PDGFRA: variants seen among roughly 807,000 people sequenced by gnomAD.
PDGFRA encodes platelet derived growth factor receptor alpha.
A neutral mutation model predicts 121.5 loss-of-function variants in PDGFRA; 25 were observed. The ratio of observed to expected loss-of-function variants is 0.21; its 90% confidence interval spans 0.15 to 0.29. The LOEUF (loss-of-function observed/expected upper bound fraction) is 0.29. PDGFRA is among the 10% of genes least tolerant of loss of function. The probability of loss-of-function intolerance (pLI) is 1.00; values close to 1 mark genes in which losing one functional copy is unlikely to be tolerated. For synonymous variants in PDGFRA, 463 were observed against 494.8 expected (o/e 0.94, Z 0.85); for missense variants, 1,008 against 1,345.1 (o/e 0.75, Z 3.92).
At chr4:54,248,981 C>T (rs1192966091) in intron 1 of PDGFRA, among the ~76,000 whole-genome samples, 6 of 152,222 alleles carry the variant, frequency 3.9e-5, no homozygotes, top group African/African-American at 1.4e-4. Context: ...CTCACCATCA[C>T]TGGCCATCAG....
intron 1 of PDGFRA, among the ~76,000 whole-genome samples, chr4:54,242,917 G>C (rs1205596239): frequency 6.6e-6 from 1 of 152,134 alleles, no homozygotes; most frequent in African/African-American, 2.4e-5. Flanking sequence ...TGACCTTTGT[G>C]ACTTTTGGGG....
At chr4:54,294,194 G>A (rs2110356536) in intron 22 of PDGFRA, among the ~76,000 whole-genome samples, 1 of 151,844 alleles carries the variant, frequency 6.6e-6, no homozygotes, top group Admixed American at 6.6e-5. Context: ...TATCTCTTGA[G>A]CATACGGTGT....
rs2110341574 is a variant in PDGFRA at position 54,287,500 on chromosome 4, T to C, written c.2633T>C (p.Val878Ala). The C allele has an allele frequency of 6.4e-7, 1 of 1,555,120 alleles. No individual in the cohort carries two copies. Among genetic ancestry groups the C allele is most frequent in the Non-Finnish European group, 8.9e-7 (1 of 1,126,282 alleles). Residue 878 changes from valine (V) to alanine (A), a missense_variant, in exon 19 of 23, where the codon GTC becomes GCC. Val to Ala is a moderately conservative substitution (Grantham distance 64). Around this residue, in one of 5 missense-constraint regions of PDGFRA, gnomAD observed 40 missense variants for 127.4 expected, o/e 0.31. Transcript: ENST00000257290. ...FDNLYTTLSD[V>A]WSYGILLWEI... The stretch of plus-strand genomic sequence containing the variant: ...AACCTCTACACCACACTGAGTGATG[T>C]CTGGTCTTATGGCATTCTGCTCTGG...
rs1454635178 is a variant in PDGFRA, at chr4:54,296,234, A to G, written c.*962A>G. ...ATTAACTGCCCTCTGAAATAATGGG[A>G]TTAGAAACAAACAAAACTCTTAAGT... On this transcript the variant is annotated 3_prime_UTR_variant, in exon 23 of 23. Transcript: ENST00000257290. The G allele has an allele frequency of 4.3e-6, 1 of 232,872 alleles. No homozygotes were observed. Among genetic ancestry groups the G allele is most frequent in the Non-Finnish European group, 8.5e-6 (1 of 117,886 alleles). The allele number at this position is 232,872 out of a possible 1,614,324, so 14.4% of individuals were successfully genotyped here. A position where few individuals can be genotyped will look rare whatever the true frequency, so the allele number is the denominator to read the frequency against.
In PDGFRA at chr4:54,267,469, C is replaced by T. The variant is rs769263309; in HGVS notation, c.931+9C>T. 1.9e-5 allele frequency: 31 copies of T among 1,613,870 alleles called. No individual in the cohort carries two copies. Among genetic ancestry groups the T allele is most frequent in the African/African-American group, 2.7e-5 (2 of 74,912 alleles). On this transcript the variant is annotated intron_variant, in intron 6 of 22. Coordinates refer to ENST00000257290, the MANE Select transcript of PDGFRA (RefSeq NM_006206.6). ...CACTATTTCTGTCCATGGTACATTC[C>T]GCTTTCTAAAATGTCAGTTGTCCAT...
chr4:54,290,656 A>AT, intron 22 of PDGFRA, 102 bp downstream of exon 22: 1 of 1,331,056 alleles, frequency 7.5e-7, no homozygotes, highest in South Asian at 1.2e-5. Flanking sequence ...CGGTTGGTAA[A>AT]TATGTACTCA....
intron 1 of PDGFRA, among the ~76,000 whole-genome samples, chr4:54,248,362 A>G (rs1169134329): frequency 6.6e-6 from 1 of 152,240 alleles, no homozygotes; most frequent in African/African-American, 2.4e-5. Flanking sequence ...TGGTACCAAA[A>G]CAGAGATATA....
intron 5 of PDGFRA, among the ~76,000 whole-genome samples, chr4:54,266,114 T>C (rs901780500): frequency 2.0e-5 from 3 of 152,226 alleles, no homozygotes; most frequent in African/African-American, 7.2e-5. Flanking sequence ...GTTCTTCTGT[T>C]CATACTTGAT....
chr4:54,261,898 C>CATATATAT (rs397880252), intron 3 of PDGFRA, among the ~76,000 whole-genome samples: 80 of 95,268 alleles, frequency 8.4e-4, no homozygotes, highest in African/African-American at 3.1e-3. Flanking sequence ...AAAAAAGTTA[C>CATATATAT]ATATATATAT....
intron 1 of PDGFRA, among the ~76,000 whole-genome samples, chr4:54,249,828 ATAT>A (rs961827908): frequency 9.2e-5 from 14 of 151,916 alleles, no homozygotes; most frequent in African/African-American, 3.1e-4. Context: ...AGTTAAAGGG[ATAT>A]TATTATTATT....
chr4:54,256,137 C>A (rs759953030), intron 1 of PDGFRA, among the ~76,000 whole-genome samples: 15 of 152,070 alleles, frequency 9.9e-5, no homozygotes, highest in Non-Finnish European at 1.9e-4. Flanking sequence ...AATCCCAGTA[C>A]TTTGGGAGGC....
At chr4:54,270,415 G>T (rs534812382) in intron 7 of PDGFRA, among the ~76,000 whole-genome samples, 50 of 152,144 alleles carry the variant, frequency 3.3e-4, no homozygotes, top group Non-Finnish European at 6.8e-4. Flanking sequence ...GCTCATCTCT[G>T]AATGTCTGGT....
chr4:54,255,687 A>G (rs1258429901), intron 1 of PDGFRA, among the ~76,000 whole-genome samples: 1 of 151,876 alleles, frequency 6.6e-6, no homozygotes, highest in African/African-American at 2.4e-5. Context: ...TTGTATTTTT[A>G]GTAGAGACAG....
intron 8 of PDGFRA, 74 bp from the exon 9 acceptor site, chr4:54,272,320 C>T: frequency 6.5e-7 from 1 of 1,541,846 alleles, no homozygotes. Flanking sequence ...GTTGTGAACT[C>T]ATATTCCACT....
intron 22 of PDGFRA, among the ~76,000 whole-genome samples, chr4:54,292,318 C>A (rs1347566936): frequency 6.6e-6 from 1 of 152,200 alleles, no homozygotes; most frequent in East Asian, 1.9e-4. Context: ...TACATATACA[C>A]CATGGAATAC....
rs574735568 is a variant in PDGFRA at position 54,296,974 on chromosome 4, A to G, written c.*1702A>G. The G allele has an allele frequency of 4.3e-6, 1 of 233,172 alleles. No individual in the cohort carries two copies. Among genetic ancestry groups the G allele is most frequent in the Admixed American group, 5.6e-5 (1 of 17,788 alleles). The allele number at this position is 233,172 out of a possible 1,614,324, so 14.4% of individuals were successfully genotyped here. A position where few individuals can be genotyped will look rare whatever the true frequency, so the allele number is the denominator to read the frequency against. On this transcript the variant is annotated 3_prime_UTR_variant, in exon 23 of 23. Coordinates refer to ENST00000257290, the MANE Select transcript of PDGFRA (RefSeq NM_006206.6). ...CTTCCCACTGTATGGGGGAGATTGA[A>G]CTTTCCCCGTCTCCCGTCTTCTGCC...
At chr4:54,280,989 A>G (rs1457683452) in intron 16 of PDGFRA, among the ~76,000 whole-genome samples, 1 of 152,068 alleles carries the variant, frequency 6.6e-6, no homozygotes, top group Non-Finnish European at 1.5e-5. Flanking sequence ...CTAACATTCA[A>G]TTTGTGATAG....
intron 1 of PDGFRA, among the ~76,000 whole-genome samples, chr4:54,236,522 C>T (rs111280965): frequency 1.7e-4 from 26 of 152,290 alleles, no homozygotes; most frequent in African/African-American, 5.8e-4. Flanking sequence ...TTCACAAACA[C>T]GCTGAGCACA....
chr4:54,284,553 T>TGAGAGAGA (rs1446665217), intron 16 of PDGFRA, among the ~76,000 whole-genome samples: 6 of 72,972 alleles, frequency 8.2e-5, no homozygotes, highest in African/African-American at 1.9e-4. Context: ...CAGGAGCAAG[T>TGAGAGAGA]GAGAGAGAGA....
Sources: allele counts gnomAD v4.1 joint callset (sites outside exome capture counted in the v4.1 genomes callset), GRCh38; gene constraint gnomAD v4.1.1; regional missense constraint gnomAD v4.1.1; transcripts MANE v1.5; gene names NCBI Gene and HGNC (gene_info 2026-07-23, HGNC 2026-07-21).